The following DLG2 variants were observed in gnomAD, a reference collection of about 807,000 sequenced individuals.
DLG2 encodes the protein disks large homolog 2.
A neutral mutation model predicts 132.5 loss-of-function variants in DLG2; 45 were observed. The observed-to-expected ratio is 0.34, with a 90% confidence interval of 0.27 to 0.44. DLG2 has a LOEUF of 0.44. DLG2 is among the 20% of genes least tolerant of loss of function. The pLI is 1.00. For synonymous variants in DLG2, 424 were observed against 419.6 expected (o/e 1.01, Z -0.13); for missense variants, 1,045 against 1,196.9 (o/e 0.87, Z 1.87).
intron 6 of DLG2, among the ~76,000 whole-genome samples, chr11:85,065,541 T>C (rs117459952): frequency 0.02 from 2,935 of 148,262 alleles, 49 homozygotes; most frequent in Admixed American, 0.042. Flanking sequence ...ATCCAGCTTT[T>C]TTTAAATTTT....
chr11:83,829,197 CTTTTTTT>C (rs5793089), intron 17 of DLG2, among the ~76,000 whole-genome samples: 1 of 119,350 alleles, frequency 8.4e-6, no homozygotes. Flanking sequence ...TTTTATTTAG[CTTTTTTT>C]TTTTTTTTTT....
At position 84,631,012 on chromosome 11, in the gene DLG2, TCTCTCTCA is replaced by T. The variant is rs1477959498; in HGVS notation, c.358-96289_358-96282del. On this transcript the variant is annotated intron_variant, in intron 6 of 27. Transcript: ENST00000376104. ...CTCTCTCTCTCTCTCTCTCTCTCTC[TCTCTCTCA>T]CACACACACACACACACACACACAC... Among the ~76,000 whole-genome samples, 156 of 129,502 alleles carry T rather than the reference TCTCTCTCA, an allele frequency of 1.2e-3. 1 individual carries two copies. The highest frequency in any genetic ancestry group is 1.6e-3 in the South Asian group (6 of 3,732). The allele number at this position is 129,502 out of a possible 152,430, so 85.0% of individuals were successfully genotyped here. A position where few individuals can be genotyped will look rare whatever the true frequency, so the allele number is the denominator to read the frequency against.
At chr11:84,529,252 A>G (rs188627680) in intron 7 of DLG2, among the ~76,000 whole-genome samples, 16 of 152,322 alleles carry the variant, frequency 1.1e-4, no homozygotes, top group Non-Finnish European at 1.0e-4. Flanking sequence ...GATGCCCTCT[A>G]TCACCATTCC....
chr11:83,783,543 C>T (rs1594290092), intron 18 of DLG2, among the ~76,000 whole-genome samples: 1 of 152,264 alleles, frequency 6.6e-6, no homozygotes, highest in African/African-American at 2.4e-5. Context: ...CCTTTAATTA[C>T]CTTCAAGTGA....
chr11:83,733,465 A>AT (rs2091384307), intron 18 of DLG2, among the ~76,000 whole-genome samples: 2 of 152,082 alleles, frequency 1.3e-5, no homozygotes, highest in Admixed American at 1.3e-4. Flanking sequence ...TTGGTATTTG[A>AT]TTTTCAGTCT....
chr11:85,098,828 G>A (rs189474176), intron 6 of DLG2, among the ~76,000 whole-genome samples: 1 of 152,180 alleles, frequency 6.6e-6, no homozygotes, highest in African/African-American at 2.4e-5. Flanking sequence ...TGTTTGTTCT[G>A]AGTTGGATGA....
At chr11:84,361,464 A>G (rs1312116421) in intron 7 of DLG2, among the ~76,000 whole-genome samples, 2 of 152,006 alleles carry the variant, frequency 1.3e-5, no homozygotes, top group South Asian at 2.1e-4. Flanking sequence ...CAATCTAGAA[A>G]TCTATAACCT....
intron 18 of DLG2, among the ~76,000 whole-genome samples, chr11:83,747,326 TCCTGCCTTCCTTCCTG>T (rs755402250): frequency 7.2e-5 from 7 of 97,112 alleles, no homozygotes; most frequent in African/African-American, 2.3e-4. Flanking sequence ...CTTCCTTCCT[TCCTGCCTTCCTTCCTG>T]CCTTCCTTCC....
intron 7 of DLG2, among the ~76,000 whole-genome samples, chr11:84,428,528 CTT>C (rs1354208113): frequency 6.6e-6 from 1 of 152,222 alleles, no homozygotes; most frequent in African/African-American, 2.4e-5. Context: ...AGTGAGCTCT[CTT>C]TCCCTGGTTT....
chr11:83,912,828 A>G (rs2076297202), intron 15 of DLG2, among the ~76,000 whole-genome samples: 1 of 152,106 alleles, frequency 6.6e-6, no homozygotes, highest in Admixed American at 6.6e-5. Flanking sequence ...GAATTTGGGA[A>G]AACACTGAGA....
chr11:84,845,065 T>C (rs1358373312), intron 6 of DLG2, among the ~76,000 whole-genome samples: 3 of 152,146 alleles, frequency 2.0e-5, no homozygotes, highest in African/African-American at 7.2e-5. Flanking sequence ...GACTATTACA[T>C]TGCTTTTTAA....
At chr11:84,162,437 T>C (rs561336236) in intron 9 of DLG2, among the ~76,000 whole-genome samples, 1 of 152,016 alleles carries the variant, frequency 6.6e-6, no homozygotes, top group African/African-American at 2.4e-5. Context: ...CAATTACATA[T>C]TTTTCTAAAG....
chr11:83,953,626 C>T (rs568663620), intron 14 of DLG2, among the ~76,000 whole-genome samples: 78 of 152,242 alleles, frequency 5.1e-4, no homozygotes, highest in African/African-American at 1.9e-3. Flanking sequence ...GTGTCATGGA[C>T]AATTGCTAAA....
chr11:83,482,048 ATC>A (rs1418609017), intron 22 of DLG2, among the ~76,000 whole-genome samples: 1 of 152,096 alleles, frequency 6.6e-6, no homozygotes, highest in Non-Finnish European at 1.5e-5. Context: ...TAATGCTGAA[ATC>A]AATATTTAAA....
intron 8 of DLG2, among the ~76,000 whole-genome samples, chr11:84,184,068 T>C (rs2096216456): frequency 6.6e-6 from 1 of 152,168 alleles, no homozygotes; most frequent in East Asian, 1.9e-4. Context: ...CAGCATGTTT[T>C]ATAATCCTTT....
Position 84,198,731 on chromosome 11 carries a change from T to A in DLG2, c.574-35220A>T, listed in dbSNP as rs888504103. Among the ~76,000 whole-genome samples, 21 of 152,096 alleles carry A rather than the reference T, an allele frequency of 1.4e-4. 1 individual carries two copies. Among genetic ancestry groups the A allele is most frequent in the Admixed American group, 1.1e-3 (17 of 15,262 alleles). Reference sequence around the variant, plus strand: ...TTATCACTATTGGGGAGACAAGGACTTAGAGAGGGAAGTCAAATAGAAAAA... The same window carrying A: ...TTATCACTATTGGGGAGACAAGGACATAGAGAGGGAAGTCAAATAGAAAAA... On this transcript the variant is annotated intron_variant, in intron 8 of 27. Coordinates refer to ENST00000376104, the MANE Select transcript of DLG2 (RefSeq NM_001142699.3).
chr11:85,294,354 A>C (rs1175005254), intron 3 of DLG2, among the ~76,000 whole-genome samples: 1 of 152,064 alleles, frequency 6.6e-6, no homozygotes, highest in Non-Finnish European at 1.5e-5. Context: ...TTTGTAAAAA[A>C]AAAAAATCTA....
chr11:84,959,027 C>T (rs551809685), intron 6 of DLG2, among the ~76,000 whole-genome samples: 100 of 152,312 alleles, frequency 6.6e-4, no homozygotes, highest in African/African-American at 2.4e-3. Context: ...TAGGCACCTG[C>T]TTATACGTGG....
intron 6 of DLG2, among the ~76,000 whole-genome samples, chr11:84,856,037 G>A (rs1452639410): frequency 6.6e-6 from 1 of 151,950 alleles, no homozygotes; most frequent in Non-Finnish European, 1.5e-5. Context: ...ACAGAGGGTT[G>A]CATAAAAAAT....
Sources: gnomAD v4.1 joint callset for allele counts (sites outside exome capture counted in the v4.1 genomes callset) on GRCh38, gnomAD v4.1.1 for gene constraint, MANE v1.5 for transcripts, NCBI Gene and HGNC (gene_info 2026-07-23, HGNC 2026-07-21) for gene names.